PLEC: variants seen among roughly 807,000 people sequenced by gnomAD.
PLEC encodes the protein plectin.
In PLEC, 216 loss-of-function variants were observed where a neutral mutation model predicts 392.8. That is an observed-to-expected ratio of 0.55 (90% confidence interval 0.49 to 0.62). The LOEUF is 0.62. Ranked by LOEUF, PLEC falls within the 20% of genes least tolerant of loss-of-function variation. The pLI, the probability that PLEC is intolerant of heterozygous loss-of-function variation, is 0.00. For synonymous variants in PLEC, 3,621 were observed against 2,980.6 expected, an observed-to-expected ratio of 1.21 and a Z score of -7.00; for missense variants, 6,863 against 6,563.4, an observed-to-expected ratio of 1.05 and a Z score of -1.58.
At position 143,916,564 on chromosome 8, in the gene PLEC, G is replaced by A; in HGVS notation, c.13257C>T (p.Ala4419=). The change falls in exon 32 of 32, where the codon GCC becomes GCT. Residue 4419 remains alanine, a synonymous_variant. Transcript: ENST00000345136. ...CGTCACGCAGCTTCTGTGCGGTGCG[G>A]GCGTCCACCGTGCCGCGCTGCAGGG... ...DEALQRGTVD[A]RTAQKLRDVG... is the part of the protein sequence containing the mutation. 6.2e-7 allele frequency: 1 copy of A among 1,611,670 alleles called. No individual in the cohort carries two copies. The highest frequency in any genetic ancestry group is 8.5e-7 in the Non-Finnish European group (1 of 1,179,554).
Position 143,932,790 on chromosome 8 carries a change from C to T in PLEC, c.1737+3G>A, listed in dbSNP as rs1014660191. ...GCACTGCCCATCGCTCAGCGCCACCCACCTCGTCACTCCGTGCCCGCTCGA... is the reference window on the plus strand; with the variant it reads ...GCACTGCCCATCGCTCAGCGCCACCTACCTCGTCACTCCGTGCCCGCTCGA... On this transcript the variant is annotated splice_donor_region_variant and intron_variant, in intron 14 of 31. Coordinates refer to ENST00000345136, the MANE Select transcript of PLEC (RefSeq NM_201384.3). 9 of 1,611,954 alleles carry T rather than the reference C, an allele frequency of 5.6e-6. No individual in the cohort carries two copies. The African/African-American group carries it at 9.3e-5, about 17-fold the overall frequency.
chr8:143,921,490 G>A lies in PLEC; in HGVS notation c.8331C>T (p.Tyr2777=), dbSNP rs141673192. 296 of 1,612,958 alleles carry A rather than the reference G, an allele frequency of 1.8e-4. 6 individuals carry two copies. In the African/African-American group the frequency reaches 3.4e-3, roughly 18 times the overall value. ...TCTGCTGGCCAGTGTAGGGGTCCTT[G>A]TAGCCAGTGACGGCGCGCTCGGCCG... is the stretch of plus-strand genomic sequence containing the variant. ...LLSAERAVTG[Y]KDPYTGQQIS... Residue 2777 remains tyrosine, a synonymous_variant, in exon 32 of 32, where the codon TAC becomes TAT. Transcript: ENST00000345136.
intron 25 of PLEC, among the ~76,000 whole-genome samples, chr8:143,928,752 AG>A (rs772688820): frequency 6.6e-6 from 1 of 152,220 alleles, no homozygotes; most frequent in Non-Finnish European, 1.5e-5. Flanking sequence ...AGTCCAGGCC[AG>A]GAACAGGACA....
upstream of PLEC, chr8:143,943,658 A>G: frequency 1.1e-6 from 1 of 946,776 alleles, no homozygotes; most frequent in Non-Finnish European, 1.6e-6. Flanking sequence ...GAGGGGCAAC[A>G]CTGCTTTCAC....
chr8:143,972,429 G>A (rs1188538365), intron 1 of PLEC, among the ~76,000 whole-genome samples: 1 of 152,314 alleles, frequency 6.6e-6, no homozygotes, highest in Middle Eastern at 3.4e-3. Context: ...GCTGGAGGAC[G>A]CCTGAAGGAG....
At chr8:143,945,472 G>A (rs1337100425) in intron 1 of PLEC, among the ~76,000 whole-genome samples, 8 of 152,160 alleles carry the variant, frequency 5.3e-5, no homozygotes, top group Admixed American at 1.3e-4. Context: ...CGTGGGACAC[G>A]CACAGTCCTG....
chr8:143,931,779 C>T (rs1827332730), intron 18 of PLEC, 120 bp from the exon 19 acceptor site: 1 of 1,509,218 alleles, frequency 6.6e-7, no homozygotes, highest in Non-Finnish European at 9.0e-7. Context: ...CCCCAGGAGG[C>T]CTGGGGAGCA....
In PLEC at chr8:143,919,572, C is replaced by T. The variant is rs781960648; in HGVS notation, c.10249G>A (p.Val3417Met). The change falls in exon 32 of 32, where the codon GTG becomes ATG. Residue 3417 changes from valine to methionine, a missense_variant. Physicochemically the swap from Val to Met is conservative, Grantham distance 21. Transcript: ENST00000345136. ...LYVHEAVKAGVVGPELHEQLL... is the reference protein window; with the variant it reads ...LYVHEAVKAGMVGPELHEQLL... ...TGCTCGTGAAGCTCGGGGCCCACCA[C>T]GCCCGCCTTCACGGCCTCGTGGACA... is the stretch of plus-strand genomic sequence containing the variant. 17 of 1,603,902 alleles carry T rather than the reference C, an allele frequency of 1.1e-5. No individual in the cohort carries two copies. The highest frequency in any genetic ancestry group is 6.7e-5 in the East Asian group (3 of 44,786).
Position 143,930,471 on chromosome 8 carries a change from G to A in PLEC, c.2370C>T (p.Ala790=), listed in dbSNP as rs533090572. 65 of 1,591,166 alleles carry A rather than the reference G, an allele frequency of 4.1e-5. No individual in the cohort carries two copies. The East Asian group carries it at 5.8e-4, about 14-fold the overall frequency. Residue 790 remains alanine (A), a synonymous_variant, in exon 20 of 32, where the codon GCC becomes GCT. Coordinates refer to ENST00000345136, the MANE Select transcript of PLEC (RefSeq NM_201384.3). ...GGTGGCGGGGCTTCAGCTGCACGAC[G>A]GCCTTGGCCCGCTTGGCCAGGCCTG... The part of the protein sequence containing the change: ...HLSGLAKRAK[A]VVQLKPRHPA...
At chr8:143,945,898 G>A (rs1298742702) in intron 1 of PLEC, among the ~76,000 whole-genome samples, 1 of 152,260 alleles carries the variant, frequency 6.6e-6, no homozygotes, top group East Asian at 1.9e-4. Context: ...TGGGCGGCCA[G>A]GGGTCGGGCG....
In PLEC at chr8:143,919,352, T is replaced by G. The variant is rs371479882; in HGVS notation, c.10469A>C (p.Gln3490Pro). The change falls in exon 32 of 32, where the codon CAG (glutamine) becomes CCG (proline). Residue 3490 changes from glutamine (Q) to proline (P), a missense_variant. Gln to Pro is a moderately conservative substitution (Grantham distance 76). Coordinates refer to ENST00000345136, the MANE Select transcript of PLEC (RefSeq NM_201384.3). ...SHRVPVDVAY[Q>P]RGYFSEEMNR... ...CATCTCCTCACTGAAGTAGCCGCGC[T>G]GGTAGGCCACGTCCACAGGCACGCG... 128 of 1,613,766 alleles carry G rather than the reference T, an allele frequency of 7.9e-5. No individual in the cohort carries two copies. Among genetic ancestry groups the G allele is most frequent in the Non-Finnish European group, 1.1e-4 (125 of 1,180,022 alleles).
At chr8:143,975,494 G>A, upstream of PLEC, 2 of 811,556 alleles carry the variant, frequency 2.5e-6, no homozygotes, top group South Asian at 1.5e-5. This position sits in a 1 kb window ranked among gnomAD's most constrained non-coding sequence, Gnocchi z 9.9. Context: ...CCTCTCGCCT[G>A]GACACTGGCA....
rs782011338 is a variant in PLEC at position 143,927,528 on chromosome 8, C to T, written c.3638G>A (p.Arg1213His). The T allele has an allele frequency of 2.2e-5, 35 of 1,597,170 alleles. No homozygotes were observed. The highest frequency in any genetic ancestry group is 5.0e-5 in the Admixed American group (3 of 59,848). The change falls in exon 27 of 32, where the codon CGC (arginine) becomes CAC (histidine). Residue 1213 changes from arginine to histidine, a missense_variant. By Grantham distance (29) the Arg-to-His change is conservative. Coordinates refer to ENST00000345136, the MANE Select transcript of PLEC (RefSeq NM_201384.3). ...GGCGCCCAAGGGGTCTGCACTCTCGCGGTAGTAACGCAGCTGGCGGCCCAG... is the reference window on the plus strand; with the variant it reads ...GGCGCCCAAGGGGTCTGCACTCTCGTGGTAGTAACGCAGCTGGCGGCCCAG... ...EQLGRQLRYYRESADPLGAWL... is the reference protein window; with the variant it reads ...EQLGRQLRYYHESADPLGAWL...
chr8:143,938,094 A>T, intron 3 of PLEC, 57 bp downstream of exon 3: 1 of 1,272,962 alleles, frequency 7.9e-7, no homozygotes, highest in Non-Finnish European at 1.1e-6. Flanking sequence ...GAGGGAAGGC[A>T]GGCAGAGGTC....
At chr8:143,952,053 G>C (rs531691595), upstream of PLEC, among the ~76,000 whole-genome samples, 4 of 152,322 alleles carry the variant, frequency 2.6e-5, no homozygotes, top group South Asian at 2.1e-4. Flanking sequence ...TAGGGCGGTG[G>C]GGGGGAGTGG....
chr8:143,933,422 C>T (rs952296207), intron 12 of PLEC, 71 bp from the exon 13 acceptor site: 32 of 1,581,280 alleles, frequency 2.0e-5, no homozygotes, highest in South Asian at 5.5e-5. Context: ...CCGGCCAAGA[C>T]GGCCACCCTC....
At chr8:143,966,249 G>A (rs1053485457) in intron 1 of PLEC, among the ~76,000 whole-genome samples, 2 of 152,134 alleles carry the variant, frequency 1.3e-5, no homozygotes, top group Admixed American at 6.6e-5. Flanking sequence ...TCTGCTTCCC[G>A]GCTGCCTCTT....
At chr8:143,943,764 A>G (rs781944286), upstream of PLEC, 1 of 1,609,158 alleles carries the variant, frequency 6.2e-7, no homozygotes, top group Non-Finnish European at 8.5e-7. Context: ...CCTGGCAGCC[A>G]CCAGCGGGGC....
Position 143,920,111 on chromosome 8 carries a change from G to A in PLEC, c.9710C>T (p.Thr3237Ile), listed in dbSNP as rs1403882605. Residue 3237 changes from threonine to isoleucine, a missense_variant, in exon 32 of 32, where the codon ACC becomes ATC. Thr to Ile is a moderately conservative substitution (Grantham distance 89, BLOSUM62 -1). Transcript: ENST00000345136. ...ELQARETFEKTPVEVPVGGFK... is the reference protein window; with the variant it reads ...ELQARETFEKIPVEVPVGGFK... ...GCCACCCACGGGGACCTCAACCGGG[G>A]TCTTTTCAAAGGTCTCACGGGCCTG... 2.5e-6 allele frequency: 4 copies of A among 1,613,050 alleles called. No homozygotes were observed. Among genetic ancestry groups the A allele is most frequent in the Non-Finnish European group, 3.4e-6 (4 of 1,180,022 alleles).
Sources: allele counts gnomAD v4.1 joint callset (sites outside exome capture counted in the v4.1 genomes callset), GRCh38; gene constraint gnomAD v4.1.1; non-coding constraint Gnocchi (gnomAD v3.1); transcripts MANE v1.5; gene names NCBI Gene and HGNC (gene_info 2026-07-23, HGNC 2026-07-21).